LRRC8D: variants seen among roughly 807,000 people sequenced by gnomAD.
LRRC8D encodes leucine rich repeat containing 8 VRAC subunit D.
LRRC8D carries 20 observed loss-of-function variants against 55.8 expected under a neutral mutation model. The ratio of observed to expected loss-of-function variants is 0.36; its 90% confidence interval spans 0.25 to 0.52. The LOEUF (loss-of-function observed/expected upper bound fraction) is 0.52. Ranked by LOEUF, LRRC8D falls within the 20% of genes least tolerant of loss-of-function variation. LRRC8D has a pLI of 0.93. For synonymous variants in LRRC8D, 352 were observed against 377.0 expected (o/e 0.93, Z 0.77); for missense variants, 651 against 1,030.8 (o/e 0.63, Z 5.05).
chr1:89,851,730 A>T (rs1017886774), intron 2 of LRRC8D, among the ~76,000 whole-genome samples: 5 of 151,996 alleles, frequency 3.3e-5, no homozygotes, highest in African/African-American at 1.2e-4. Flanking sequence ...GGCTGGTCTC[A>T]AACTCCTGAG....
chr1:89,904,482 T>G (rs1662943181), intron 2 of LRRC8D, among the ~76,000 whole-genome samples: 1 of 152,220 alleles, frequency 6.6e-6, no homozygotes, highest in Non-Finnish European at 1.5e-5. Context: ...TCACTTTTCT[T>G]CCTTAAAAGG....
chr1:89,930,052 G>GT, intron 2 of LRRC8D, among the ~76,000 whole-genome samples: 1 of 152,282 alleles, frequency 6.6e-6, no homozygotes, highest in African/African-American at 2.4e-5. Flanking sequence ...AGATGAAACA[G>GT]TTTCATCCCA....
Position 89,934,737 on chromosome 1 carries a change from T to A in LRRC8D, c.1669T>A (p.Tyr557Asn). The change falls in exon 3 of 3, where the codon TAT (tyrosine) becomes AAT (asparagine). Residue 557 changes from tyrosine to asparagine, a missense_variant. Transcript: ENST00000337338. The surrounding 1 kb of genome is among the most constrained non-coding windows in gnomAD (Gnocchi z 5.9). Reference protein sequence around the residue: ...TDVAEIPAWVYLLKNLRELYL... With the variant: ...TDVAEIPAWVNLLKNLRELYL... ...TGTGGCTGAAATTCCTGCCTGGGTG[T>A]ATTTGCTCAAAAACCTTCGAGAGTT... 6.2e-7 allele frequency: 1 copy of A among 1,614,166 alleles called. No individual in the cohort carries two copies. Among genetic ancestry groups the A allele is most frequent in the Non-Finnish European group, 8.5e-7 (1 of 1,180,038 alleles).
chr1:89,846,968 C>T (rs1257578941), intron 2 of LRRC8D, among the ~76,000 whole-genome samples: 1 of 152,190 alleles, frequency 6.6e-6, no homozygotes, highest in Non-Finnish European at 1.5e-5. Flanking sequence ...CTCCCCACTA[C>T]TGCTGCCACT....
chr1:89,910,229 C>T (rs1033594321), intron 2 of LRRC8D, among the ~76,000 whole-genome samples: 12 of 152,166 alleles, frequency 7.9e-5, no homozygotes, highest in African/African-American at 2.9e-4. Flanking sequence ...GAGGACTGTT[C>T]CAGCACACTG....
chr1:89,901,697 TA>T (rs1156374738), intron 2 of LRRC8D, among the ~76,000 whole-genome samples: 1 of 152,242 alleles, frequency 6.6e-6, no homozygotes, highest in African/African-American at 2.4e-5. Context: ...CGTGCTCAAA[TA>T]TTTTTTTTAA....
intron 2 of LRRC8D, among the ~76,000 whole-genome samples, chr1:89,893,426 G>A (rs1662628677): frequency 6.6e-6 from 1 of 152,148 alleles, no homozygotes; most frequent in African/African-American, 2.4e-5. Flanking sequence ...CTTAAAATTT[G>A]ACTTTATTTG....
intron 1 of LRRC8D, among the ~76,000 whole-genome samples, chr1:89,831,714 AGG>A (rs1414013352): frequency 6.6e-6 from 1 of 152,210 alleles, no homozygotes; most frequent in Non-Finnish European, 1.5e-5. Flanking sequence ...CTTCTACAAA[AGG>A]GGAATTGGAA....
intron 1 of LRRC8D, among the ~76,000 whole-genome samples, chr1:89,822,823 AAC>A (rs1385070764): frequency 6.6e-6 from 1 of 152,192 alleles, no homozygotes; most frequent in Non-Finnish European, 1.5e-5. Context: ...ATAGTGACCA[AAC>A]ACCTACTGTC....
chr1:89,916,171 C>G (rs1663264001), intron 2 of LRRC8D, among the ~76,000 whole-genome samples: 1 of 152,148 alleles, frequency 6.6e-6, no homozygotes, highest in Admixed American at 6.5e-5. Context: ...AAAATTCTGC[C>G]AGTTAAGATA....
At chr1:89,912,350 T>G (rs1218223683) in intron 2 of LRRC8D, among the ~76,000 whole-genome samples, 1 of 152,164 alleles carries the variant, frequency 6.6e-6, no homozygotes, top group Admixed American at 6.5e-5. Context: ...TATTGAACTT[T>G]CCCTGAGTTG....
intron 2 of LRRC8D, among the ~76,000 whole-genome samples, chr1:89,877,182 A>G (rs972541734): frequency 6.6e-6 from 1 of 152,032 alleles, no homozygotes; most frequent in Non-Finnish European, 1.5e-5. Flanking sequence ...GAACATCTAG[A>G]TAGGATATAT....
chr1:89,842,482 C>T lies in LRRC8D; in HGVS notation c.-147-1156C>T, dbSNP rs557702902. 3.4e-4 allele frequency among the ~76,000 whole-genome samples: 52 copies of T among 152,290 alleles called. No individual in the cohort carries two copies. The East Asian group carries it at 4.4e-3, about 13-fold the overall frequency. ...ACTGAGTAGGAGCTTAATATCTATCCGTTCCTTTCTGCTTCAGTCAAAACT... is the reference window on the plus strand; with the variant it reads ...ACTGAGTAGGAGCTTAATATCTATCTGTTCCTTTCTGCTTCAGTCAAAACT... On this transcript the variant is annotated intron_variant, in intron 1 of 2. Transcript: ENST00000337338.
chr1:89,912,584 C>G (rs1405652434), intron 2 of LRRC8D, among the ~76,000 whole-genome samples: 1 of 152,130 alleles, frequency 6.6e-6, no homozygotes, highest in African/African-American at 2.4e-5. Flanking sequence ...GTGTTTTATT[C>G]CAGTAGCTTG....
intron 2 of LRRC8D, among the ~76,000 whole-genome samples, chr1:89,930,938 C>T (rs940098811): frequency 3.3e-5 from 5 of 150,586 alleles, no homozygotes; most frequent in African/African-American, 4.9e-5. Context: ...TTCAAGTGGG[C>T]GTGTTATCTC....
chr1:89,896,754 T>C (rs1662724225), intron 2 of LRRC8D, among the ~76,000 whole-genome samples: 1 of 152,134 alleles, frequency 6.6e-6, no homozygotes, highest in African/African-American at 2.4e-5. Flanking sequence ...TCCCTTTCTG[T>C]CTTTCTCCCT....
At chr1:89,838,999 T>G (rs376892654) in intron 1 of LRRC8D, among the ~76,000 whole-genome samples, 12 of 152,220 alleles carry the variant, frequency 7.9e-5, no homozygotes, top group African/African-American at 2.9e-4. Flanking sequence ...ACAAGTTATC[T>G]TTTTAAAGTG....
chr1:89,919,627 T>C (rs966097055), intron 2 of LRRC8D, among the ~76,000 whole-genome samples: 1 of 152,204 alleles, frequency 6.6e-6, no homozygotes, highest in African/African-American at 2.4e-5. Flanking sequence ...TCTCATAAAC[T>C]GGATGAAGTT....
intron 2 of LRRC8D, among the ~76,000 whole-genome samples, chr1:89,854,682 A>G (rs1661506894): frequency 6.6e-6 from 1 of 152,230 alleles, no homozygotes; most frequent in African/African-American, 2.4e-5. Flanking sequence ...ATCATTAGAC[A>G]AAAATGAGTG....
Sources: gnomAD v4.1 joint callset for allele counts (sites outside exome capture counted in the v4.1 genomes callset) on GRCh38, gnomAD v4.1.1 for gene constraint, Gnocchi (gnomAD v3.1) non-coding constraint, MANE v1.5 for transcripts, NCBI Gene and HGNC (gene_info 2026-07-23, HGNC 2026-07-21) for gene names.